The following USP53 variants were observed in gnomAD, a reference collection of about 807,000 sequenced individuals.
The protein encoded by USP53 is ubiquitin carboxyl-terminal hydrolase 53.
In USP53, 71 loss-of-function variants were observed where a neutral mutation model predicts 94.9. That is an observed-to-expected ratio of 0.75 (90% CI 0.62 to 0.91). USP53 has a LOEUF of 0.91. Ranked by LOEUF, USP53 falls within the 40% of genes least tolerant of loss-of-function variation. USP53 has a pLI of 0.00. For synonymous variants in USP53, 375 were observed against 422.7 expected (o/e 0.89, Z 1.39); for missense variants, 1,173 against 1,281.0 (o/e 0.92, Z 1.29).
At chr4:119,264,650 T>C (rs932971791) in intron 12 of USP53, among the ~76,000 whole-genome samples, 5 of 152,222 alleles carry the variant, frequency 3.3e-5, no homozygotes, top group South Asian at 4.1e-4. Context: ...TACTCATCTG[T>C]TGTAATGGCC....
In USP53 at chr4:119,267,411, C is replaced by T; in HGVS notation, c.1064C>T (p.Ala355Val). The change falls in exon 13 of 19, where the codon GCA becomes GTA. Residue 355 changes from alanine to valine, a missense_variant. Ala to Val is a moderately conservative substitution (Grantham distance 64). Coordinates refer to ENST00000692078, the MANE Select transcript of USP53 (RefSeq NM_001371395.1). The part of the protein sequence containing the change: ...LLFYANPDGT[A>V]VSTEDALRQV... ...TTTTATGCAAACCCAGATGGCACAGCAGTTTCTACTGAGGATGCACTCAGG... is the reference window on the plus strand; with the variant it reads ...TTTTATGCAAACCCAGATGGCACAGTAGTTTCTACTGAGGATGCACTCAGG... 6.2e-7 allele frequency: 1 copy of T among 1,614,132 alleles called. No homozygotes were observed. Among genetic ancestry groups the T allele is most frequent in the South Asian group, 1.1e-5 (1 of 91,080 alleles).
intron 17 of USP53, among the ~76,000 whole-genome samples, chr4:119,284,642 A>G (rs1317570694): frequency 6.6e-6 from 1 of 151,858 alleles, no homozygotes; most frequent in African/African-American, 2.4e-5. Flanking sequence ...TGAATTTTGA[A>G]AATTTATTTC....
At chr4:119,252,620 T>A (rs1476098780) in intron 7 of USP53, among the ~76,000 whole-genome samples, 1 of 152,218 alleles carries the variant, frequency 6.6e-6, no homozygotes, top group Non-Finnish European at 1.5e-5. Flanking sequence ...GATTCTGCTC[T>A]CTTTTCTTCT....
At chr4:119,286,202 C>T (rs1754090812) in intron 17 of USP53, among the ~76,000 whole-genome samples, 1 of 151,274 alleles carries the variant, frequency 6.6e-6, no homozygotes, top group African/African-American at 2.4e-5. Context: ...TTGATTATTG[C>T]TGTTTAATGT....
At position 119,261,782 on chromosome 4, in the gene USP53, A is replaced by C. The variant is rs763833314; in HGVS notation, c.890A>C (p.Tyr297Ser). The C allele has an allele frequency of 1.3e-6, 2 of 1,540,606 alleles. No individual in the cohort carries two copies. Among genetic ancestry groups the C allele is most frequent in the South Asian group, 2.5e-5 (2 of 81,016 alleles). The change falls in exon 12 of 19, where the codon TAC becomes TCC. Residue 297 changes from tyrosine to serine, a missense_variant. By Grantham distance (144) the Tyr-to-Ser change is moderately radical (BLOSUM62 -2). Coordinates refer to ENST00000692078, the MANE Select transcript of USP53 (RefSeq NM_001371395.1). ...SELNLVGMIC[Y>S]TSQHYCAFAF... ...CTTAACCTTGTTGGTATGATCTGCT[A>C]CACCAGCCAACATTATTGTGCCTTT...
At chr4:119,275,687 G>C (rs1253263332) in intron 17 of USP53, among the ~76,000 whole-genome samples, 2 of 151,884 alleles carry the variant, frequency 1.3e-5, no homozygotes, top group Non-Finnish European at 2.9e-5. Context: ...ATTACCTTGG[G>C]CAGTATGGCC....
At position 119,260,595 on chromosome 4, in the gene USP53, A is replaced by G; in HGVS notation, c.764A>G (p.His255Arg). The G allele has an allele frequency of 6.2e-7, 1 of 1,613,950 alleles. No individual in the cohort carries two copies. Among genetic ancestry groups the G allele is most frequent in the Non-Finnish European group, 8.5e-7 (1 of 1,179,852 alleles). The change falls in exon 11 of 19, where the codon CAT becomes CGT. Residue 255 changes from histidine (H) to arginine (R), a missense_variant. By Grantham distance (29) the His-to-Arg change is conservative. Transcript: ENST00000692078. Reference protein sequence around the residue: ...VTIGLVWDSEHSDLTEAVVRN... With the variant: ...VTIGLVWDSERSDLTEAVVRN... ...ATTGGTTTAGTCTGGGACTCCGAGC[A>G]TTCTGACTTGACCGAAGCTGTTGTT...
intron 12 of USP53, 94 bp from the exon 13 acceptor site, chr4:119,267,226 T>C: frequency 7.9e-7 from 1 of 1,261,506 alleles, no homozygotes; most frequent in Non-Finnish European, 1.1e-6. Flanking sequence ...TCTAAATTTT[T>C]TAAAAATATA....
At chr4:119,291,132 C>T (rs1231090186) in intron 17 of USP53, 33 bp from the exon 18 acceptor site, 1 of 1,025,438 alleles carries the variant, frequency 9.8e-7, no homozygotes, top group Non-Finnish European at 1.4e-6. Flanking sequence ...TTTTGTTTTC[C>T]TCATCTCTTC....
At chr4:119,242,555 C>T (rs1160609758) in intron 5 of USP53, among the ~76,000 whole-genome samples, 1 of 152,130 alleles carries the variant, frequency 6.6e-6, no homozygotes, top group African/African-American at 2.4e-5. Context: ...CCTCATAGTA[C>T]ACCCCCAAAT....
chr4:119,245,083 C>T (rs1748042183), intron 5 of USP53, among the ~76,000 whole-genome samples: 1 of 152,132 alleles, frequency 6.6e-6, no homozygotes, highest in Non-Finnish European at 1.5e-5. Flanking sequence ...TTCCCTGCTC[C>T]ATGCTTGTCA....
rs1247204626 is a variant in USP53, at chr4:119,269,789, A to G, written c.1387A>G (p.Arg463Gly). 1 of 1,531,100 alleles carries G rather than the reference A, an allele frequency of 6.5e-7. No homozygotes were observed. Among genetic ancestry groups the G allele is most frequent in the Non-Finnish European group, 8.8e-7 (1 of 1,140,254 alleles). The allele number at this position is 1,531,100 out of a possible 1,614,324, so 94.8% of individuals were successfully genotyped here. The change falls in exon 15 of 19, where the codon AGG becomes GGG. Residue 463 changes from arginine to glycine, a missense_variant. Arg to Gly is a moderately radical substitution (Grantham distance 125). Transcript: ENST00000692078. ...ACAGAAAAACTTACTTTCTTCACAA[A>G]GGAAAGATTTAGAGAAGGGACAAAG... ...IEQKNLLSSQRKDLEKGQRKD... is the reference protein window; with the variant it reads ...IEQKNLLSSQGKDLEKGQRKD...
In USP53 at chr4:119,293,438, T is replaced by A; in HGVS notation, c.*227T>A. 1 of 449,932 alleles carries A rather than the reference T, an allele frequency of 2.2e-6. No individual in the cohort carries two copies. The highest frequency in any genetic ancestry group is 3.9e-6 in the Non-Finnish European group (1 of 255,244). 27.9% of individuals were successfully genotyped at this position (449,932 alleles called of 1,614,324 possible). On this transcript the variant is annotated 3_prime_UTR_variant, in exon 19 of 19. Coordinates refer to ENST00000692078, the MANE Select transcript of USP53 (RefSeq NM_001371395.1). ...AGTTGTTAATCACTATACATATGTA[T>A]GTGTATATGTGTATACACATATATA...
chr4:119,223,402 G>A (rs1440300434), intron 3 of USP53, among the ~76,000 whole-genome samples: 3 of 152,222 alleles, frequency 2.0e-5, no homozygotes, highest in African/African-American at 7.2e-5. Context: ...TGGCAGATCT[G>A]TAAATTAATT....
At position 119,292,829 on chromosome 4, in the gene USP53, A is replaced by G; in HGVS notation, c.2840A>G (p.Lys947Arg). 1.9e-6 allele frequency: 3 copies of G among 1,614,120 alleles called. No homozygotes were observed. Among genetic ancestry groups the G allele is most frequent in the Non-Finnish European group, 2.5e-6 (3 of 1,179,980 alleles). ...AAAAGCGAATCTACACCTGATGTCA[A>G]ACTTACAGAGGTGTTTAAAGCTACC... ...SEKSESTPDV[K>R]LTEVFKATSH... The change falls in exon 19 of 19, where the codon AAA becomes AGA. Residue 947 changes from lysine (K) to arginine (R), a missense_variant. By Grantham distance (26) the Lys-to-Arg change is conservative (BLOSUM62 2). Transcript: ENST00000692078.
Position 119,248,750 on chromosome 4 carries a change from G to C in USP53, c.240G>C (p.Thr80=), listed in dbSNP as rs751388940. The change falls in exon 7 of 19, where the codon ACG becomes ACC. Residue 80 remains threonine, a splice_region_variant and synonymous_variant. Transcript: ENST00000692078. ...GDACIFCALK[T]IFAQFQHSRE... ...CTGATTTTCTTGTCGATTCCCAGAC[G>C]ATATTTGCACAGTTCCAACACAGTC... 13 of 1,608,464 alleles carry C rather than the reference G, an allele frequency of 8.1e-6. No homozygotes were observed. The highest frequency in any genetic ancestry group is 1.1e-5 in the Non-Finnish European group (13 of 1,177,814).
intron 17 of USP53, among the ~76,000 whole-genome samples, chr4:119,290,040 G>C (rs72914405): frequency 0.026 from 3,886 of 152,256 alleles, 176 homozygotes; most frequent in African/African-American, 0.088. Flanking sequence ...GTTTTGTAGA[G>C]AGAAATCCAA....
intron 5 of USP53, among the ~76,000 whole-genome samples, chr4:119,241,831 C>T (rs1747588225): frequency 6.6e-6 from 1 of 152,112 alleles, no homozygotes; most frequent in South Asian, 2.1e-4. Flanking sequence ...TTTCCAGTTA[C>T]ATATGTAGTG....
chr4:119,245,846 TAG>T (rs1419018551), intron 6 of USP53, among the ~76,000 whole-genome samples: 1 of 152,172 alleles, frequency 6.6e-6, no homozygotes, highest in African/African-American at 2.4e-5. Flanking sequence ...CAAAATATTA[TAG>T]AGTATGTTAG....
Sources: gnomAD v4.1 joint callset for allele counts (sites outside exome capture counted in the v4.1 genomes callset) on GRCh38, gnomAD v4.1.1 for gene constraint, MANE v1.5 for transcripts, NCBI Gene and HGNC (gene_info 2026-07-23, HGNC 2026-07-21) for gene names.